PCTP: variants seen among roughly 807,000 people sequenced by gnomAD.
The protein encoded by PCTP is phosphatidylcholine transfer protein.
In PCTP, 27 loss-of-function variants were observed where a neutral mutation model predicts 31.0. The observed-to-expected ratio is 0.87, with a 90% CI of 0.64 to 1.20. PCTP has a LOEUF of 1.20. Ranked by LOEUF, PCTP falls within the 50% of genes most tolerant of loss-of-function variation. PCTP has a pLI of 0.00. For synonymous variants in PCTP, 108 were observed against 101.2 expected, an observed-to-expected ratio of 1.07 and a Z score of -0.40; for missense variants, 287 against 268.2, an observed-to-expected ratio of 1.07 and a Z score of -0.49.
chr17:55,840,926 T>A (rs1263973206), intron 5 of PCTP, among the ~76,000 whole-genome samples: 2 of 152,206 alleles, frequency 1.3e-5, no homozygotes, highest in Non-Finnish European at 2.9e-5. Flanking sequence ...AAGTCTGAAA[T>A]CCTAAACACT....
chr17:55,831,998 C>G (rs71387424), intron 5 of PCTP, among the ~76,000 whole-genome samples: 16,820 of 152,118 alleles, frequency 0.11, 1,193 homozygotes, highest in East Asian at 0.35. Context: ...TGGCATGAAC[C>G]CGGGAGGCAG....
At chr17:55,820,777 T>C (rs1913089302) in intron 3 of PCTP, among the ~76,000 whole-genome samples, 1 of 152,232 alleles carries the variant, frequency 6.6e-6, no homozygotes, top group South Asian at 2.1e-4. Context: ...GCATACAGTA[T>C]GTTCAACATA....
downstream of PCTP, among the ~76,000 whole-genome samples, chr17:55,826,996 A>G (rs1240123228): frequency 6.6e-6 from 1 of 151,742 alleles, no homozygotes; most frequent in East Asian, 1.9e-4. Flanking sequence ...ACCTGTTAAT[A>G]TACAACAACA....
chr17:55,837,299 G>A (rs1423074576), intron 5 of PCTP, among the ~76,000 whole-genome samples: 1 of 152,174 alleles, frequency 6.6e-6, no homozygotes, highest in Non-Finnish European at 1.5e-5. Flanking sequence ...ATTGGTAAAG[G>A]CCATTCTAGC....
At chr17:55,839,594 G>A (rs553873748) in intron 5 of PCTP, among the ~76,000 whole-genome samples, 3 of 152,286 alleles carry the variant, frequency 2.0e-5, no homozygotes, top group Non-Finnish European at 4.4e-5. Context: ...GGTGCAGGAC[G>A]AGTGTCCTCA....
intron 5 of PCTP, among the ~76,000 whole-genome samples, chr17:55,832,616 G>T (rs1329018232): frequency 6.6e-6 from 1 of 152,196 alleles, no homozygotes; most frequent in Admixed American, 6.5e-5. Context: ...CCAAATTCAT[G>T]CAATGTATTA....
At chr17:55,795,803 A>C (rs1912167675) in intron 3 of PCTP, among the ~76,000 whole-genome samples, 1 of 152,076 alleles carries the variant, frequency 6.6e-6, no homozygotes, top group Non-Finnish European at 1.5e-5. Flanking sequence ...AGAAAGACTG[A>C]TTGCCCACTT....
chr17:55,851,946 G>C, the PCTP span, among the ~76,000 whole-genome samples: 1 of 114,908 alleles, frequency 8.7e-6, no homozygotes, highest in Middle Eastern at 4.1e-3. Flanking sequence ...GCTGCTGTGT[G>C]TCATTATTGT....
intron 3 of PCTP, among the ~76,000 whole-genome samples, chr17:55,804,644 A>G (rs1276199957): frequency 1.3e-5 from 2 of 152,160 alleles, no homozygotes; most frequent in Non-Finnish European, 2.9e-5. Flanking sequence ...CTTCTCACTT[A>G]TAAGTGGGAG....
chr17:55,833,923 C>A (rs143068559), intron 5 of PCTP, among the ~76,000 whole-genome samples: 57 of 152,298 alleles, frequency 3.7e-4, no homozygotes, highest in African/African-American at 1.4e-3. Flanking sequence ...TGTGTACAAT[C>A]ATATCAGAAA....
At chr17:55,785,235 C>G (rs1043474363) in intron 2 of PCTP, among the ~76,000 whole-genome samples, 13 of 152,334 alleles carry the variant, frequency 8.5e-5, no homozygotes, top group African/African-American at 3.1e-4. Context: ...TATGAGTGTC[C>G]TATGGAAGGT....
At chr17:55,775,237 G>A in intron 5 of PCTP, 1 of 1,256,540 alleles carries the variant, frequency 8.0e-7, no homozygotes, top group Non-Finnish European at 1.0e-6. Flanking sequence ...GAGACAACCA[G>A]ATGTGTCCAA....
downstream of PCTP, among the ~76,000 whole-genome samples, chr17:55,827,767 C>G (rs1905451557): frequency 6.6e-6 from 1 of 152,132 alleles, no homozygotes; most frequent in Non-Finnish European, 1.5e-5. Context: ...CAGGTGTTTT[C>G]TTTTTTCAGT....
At chr17:55,807,312 A>G (rs1912607409) in intron 3 of PCTP, among the ~76,000 whole-genome samples, 1 of 152,162 alleles carries the variant, frequency 6.6e-6, no homozygotes, top group South Asian at 2.1e-4. Flanking sequence ...AAACTAAACA[A>G]CCCATAGATT....
At chr17:55,825,366 G>C (rs1361070017), downstream of PCTP, among the ~76,000 whole-genome samples, 1 of 152,200 alleles carries the variant, frequency 6.6e-6, no homozygotes, top group Non-Finnish European at 1.5e-5. Context: ...GCTTGAAATA[G>C]AGAAGCAAAA....
intron 1 of PCTP, 23 bp downstream of exon 1, chr17:55,751,267 A>T (rs1202150994): frequency 6.5e-7 from 1 of 1,528,798 alleles, no homozygotes; most frequent in Non-Finnish European, 8.8e-7. Context: ...CCGCTGGAGG[A>T]CCGCGGGGCC....
At chr17:55,756,286 GA>G (rs1244601441) in intron 1 of PCTP, among the ~76,000 whole-genome samples, 5 of 152,132 alleles carry the variant, frequency 3.3e-5, no homozygotes, top group Non-Finnish European at 7.3e-5. Flanking sequence ...ATGTCCAGTG[GA>G]AAATGCTATA....
chr17:55,766,596 A>G (rs1910672758), intron 1 of PCTP, among the ~76,000 whole-genome samples: 1 of 151,856 alleles, frequency 6.6e-6, no homozygotes, highest in Non-Finnish European at 1.5e-5. Flanking sequence ...TGAACTCGTC[A>G]TTTTTTATGG....
chr17:55,817,655 A>G (rs575228013), intron 3 of PCTP, among the ~76,000 whole-genome samples: 46 of 152,342 alleles, frequency 3.0e-4, no homozygotes, highest in African/African-American at 1.0e-3. Context: ...GTTGTCATGT[A>G]CAAAGTGGAA....
Sources: allele counts gnomAD v4.1 joint callset (sites outside exome capture counted in the v4.1 genomes callset), GRCh38; gene constraint gnomAD v4.1.1; transcripts MANE v1.5; gene names NCBI Gene and HGNC (gene_info 2026-07-23, HGNC 2026-07-21).